DDX20: variants seen among roughly 807,000 people sequenced by gnomAD.
DDX20 encodes the protein probable ATP-dependent RNA helicase DDX20.
Under a neutral mutation model 76.4 loss-of-function variants are expected in DDX20, and 61 were observed. That is an observed-to-expected ratio of 0.80 (90% CI 0.65 to 0.99). The LOEUF is 0.99. Ranked by LOEUF, DDX20 falls within the 50% of genes least tolerant of loss-of-function variation. The pLI, the probability that DDX20 is intolerant of heterozygous loss-of-function variation, is 0.00. For synonymous variants in DDX20, 357 were observed against 357.4 expected (o/e 1.00, Z 0.01); for missense variants, 976 against 996.8 (o/e 0.98, Z 0.28).
At chr1:111,762,414 T>C in intron 8 of DDX20, 77 bp downstream of exon 8, 1 of 1,195,318 alleles carries the variant, frequency 8.4e-7, no homozygotes, top group Non-Finnish European at 1.2e-6. Context: ...ATTTCATATA[T>C]TATTTTATGT....
chr1:111,766,687 TG>T lies in DDX20; in HGVS notation c.2265del (p.Trp755CysfsTer10). 6.2e-7 allele frequency: 1 copy of T among 1,614,178 alleles called. No homozygotes were observed. Among genetic ancestry groups the T allele is most frequent in the South Asian group, 1.1e-5 (1 of 91,082 alleles). On this transcript the variant is annotated frameshift_variant, in exon 11 of 11. Coordinates refer to ENST00000369702, the MANE Select transcript of DDX20 (RefSeq NM_007204.5). LOFTEE classifies it high-confidence loss of function. ...GCAGACTGAAGCCCAGGAAGATGAT[TG>T]GTATGACTGTCATAGGGAAATACGT... Reference protein sequence around the residue: ...RLQTEAQEDDWYDCHREIRLS... With the variant: ...RLQTEAQEDDXYDCHREIRLS...
At chr1:111,760,953 T>C in intron 5 of DDX20, 34 bp from the exon 6 acceptor site, 1 of 1,607,560 alleles carries the variant, frequency 6.2e-7, no homozygotes, top group Non-Finnish European at 8.5e-7. Flanking sequence ...CATTAGCATA[T>C]ATATTTGTTT....
intron 2 of DDX20, among the ~76,000 whole-genome samples, chr1:111,758,353 CCTTTTTTTT>C (rs1663606465): frequency 8.8e-6 from 1 of 113,002 alleles, no homozygotes; most frequent in South Asian, 2.5e-4. Context: ...TTCTCCTAGT[CCTTTTTTTT>C]TTTTTTTTTT....
chr1:111,764,266 T>C (rs1329175850), intron 10 of DDX20, among the ~76,000 whole-genome samples: 1 of 149,834 alleles, frequency 6.7e-6, no homozygotes, highest in Non-Finnish European at 1.5e-5. Context: ...TGGGCGAAAG[T>C]GCGAGACTCA....
rs759586963 is a variant in DDX20 at position 111,766,143 on chromosome 1, C to T, written c.1719C>T (p.Pro573=). The change falls in exon 11 of 11, where the codon CCC becomes CCT. Residue 573 remains proline (P), a synonymous_variant. Coordinates refer to ENST00000369702, the MANE Select transcript of DDX20 (RefSeq NM_007204.5). ...QVKEALPVSL[P]QIPCLSSFKI... ...AAGAAGCTTTACCTGTGTCACTCCCCCAGATTCCTTGTCTGTCTTCCTTTA... is the reference window on the plus strand; with the variant it reads ...AAGAAGCTTTACCTGTGTCACTCCCTCAGATTCCTTGTCTGTCTTCCTTTA... The T allele has an allele frequency of 1.9e-6, 3 of 1,614,172 alleles. No homozygotes were observed. Among genetic ancestry groups the T allele is most frequent in the Non-Finnish European group, 1.7e-6 (2 of 1,180,040 alleles).
chr1:111,759,962 A>T (rs1663636269), intron 3 of DDX20, among the ~76,000 whole-genome samples: 1 of 132,930 alleles, frequency 7.5e-6, no homozygotes, highest in African/African-American at 3.0e-5. Flanking sequence ...TGACAGAGCG[A>T]GACTCCATCT....
chr1:111,760,662 T>C, intron 4 of DDX20, 44 bp from the exon 5 acceptor site: 1 of 1,602,834 alleles, frequency 6.2e-7, no homozygotes, highest in Non-Finnish European at 8.5e-7. Flanking sequence ...CAAGTGGTGA[T>C]TATTGTTTGA....
intron 2 of DDX20, among the ~76,000 whole-genome samples, chr1:111,758,407 A>C (rs980268965): frequency 6.7e-6 from 1 of 149,494 alleles, no homozygotes; most frequent in Non-Finnish European, 1.5e-5. Context: ...TTAAGAGCAC[A>C]AAGTTTTGTT....
At chr1:111,760,211 G>C (rs1276485754) in intron 3 of DDX20, among the ~76,000 whole-genome samples, 1 of 152,104 alleles carries the variant, frequency 6.6e-6, no homozygotes, top group Admixed American at 6.5e-5. Context: ...CTCAGAATCA[G>C]CATCTTGCAT....
chr1:111,756,497 G>A (rs896822839), intron 1 of DDX20, 149 bp from the exon 2 acceptor site: 2 of 706,440 alleles, frequency 2.8e-6, no homozygotes, highest in Non-Finnish European at 4.8e-6. Context: ...GGGACTAGGC[G>A]TGTTCTCATA....
rs1392652837 is a variant in DDX20, at chr1:111,756,745, G to T, written c.396+5G>T. The T allele has an allele frequency of 1.2e-6, 2 of 1,611,630 alleles. No homozygotes were observed. The highest frequency in any genetic ancestry group is 2.7e-5 in the African/African-American group (2 of 74,892). On this transcript the variant is annotated splice_donor_5th_base_variant and intron_variant, in intron 2 of 10. Transcript: ENST00000369702. ...CTTGAAAACTTAAGTACCCAGGTGA[G>T]TTAGCTGAGAGGACCAGAGGAGGAT...
In DDX20 at chr1:111,755,988, C is replaced by A; in HGVS notation, c.64C>A (p.His22Asn). ...AGTGGCGACTGCTATGCCGGCTGAG[C>A]ATGTGGCCGTGCAGGTCCCGGCCCC... ...AAVATAMPAE[H>N]VAVQVPAPEP... The change falls in exon 1 of 11, where the codon CAT becomes AAT. Residue 22 changes from histidine to asparagine, a missense_variant. By Grantham distance (68) the His-to-Asn change is moderately conservative. Around this residue, in one of 3 missense-constraint regions of DDX20, gnomAD observed 343 missense variants for 286.4 expected, o/e 1.20. Transcript: ENST00000369702. 1 of 1,605,436 alleles carries A rather than the reference C, an allele frequency of 6.2e-7. No homozygotes were observed. Among genetic ancestry groups the A allele is most frequent in the Non-Finnish European group, 8.5e-7 (1 of 1,174,544 alleles).
Position 111,766,341 on chromosome 1 carries a change from A to T in DDX20, c.1917A>T (p.Arg639Ser). 1.9e-6 allele frequency: 3 copies of T among 1,614,160 alleles called. No homozygotes were observed. The highest frequency in any genetic ancestry group is 4.5e-5 in the East Asian group (2 of 44,890). Residue 639 changes from arginine (R) to serine (S), a missense_variant, in exon 11 of 11, where the codon AGA becomes AGT. Arg to Ser is a moderately radical substitution (Grantham distance 110). Around this residue, in one of 3 missense-constraint regions of DDX20, gnomAD observed 630 missense variants for 693.7 expected, o/e 0.91. Transcript: ENST00000369702. ...TGAGAAATAAAGTTATTGAACAGAG[A>T]GTCCCTGTGTTGGCAAGTAGTAGCC... ...GFVRNKVIEQ[R>S]VPVLASSSQS...
rs768606245 is a variant in DDX20 at position 111,762,276 on chromosome 1, G to A, written c.1043G>A (p.Arg348His). The change falls in exon 8 of 11, where the codon CGT becomes CAT. Residue 348 changes from arginine (R) to histidine (H), a missense_variant. This residue lies in a region of DDX20 where 630 missense variants were observed against 693.7 expected (regional missense o/e 0.91). Coordinates refer to ENST00000369702, the MANE Select transcript of DDX20 (RefSeq NM_007204.5). The part of the protein sequence containing the change: ...CISGNMNQNQ[R>H]LDAMAKLKHF... Reference sequence around the variant, plus strand: ...TTAGGCAATATGAATCAGAATCAGCGTCTTGATGCTATGGCTAAACTGAAG... The same window carrying A: ...TTAGGCAATATGAATCAGAATCAGCATCTTGATGCTATGGCTAAACTGAAG... The A allele has an allele frequency of 2.7e-5, 44 of 1,613,062 alleles. No individual in the cohort carries two copies. Among genetic ancestry groups the A allele is most frequent in the East Asian group, 1.1e-4 (5 of 44,810 alleles).
In DDX20 at chr1:111,766,347, T is replaced by A. The variant is rs770249413; in HGVS notation, c.1923T>A (p.Pro641=). Residue 641 remains proline (P), a synonymous_variant, in exon 11 of 11, where the codon CCT becomes CCA. Transcript: ENST00000369702. The part of the protein sequence containing the change: ...VRNKVIEQRV[P]VLASSSQSGD... Reference sequence around the variant, plus strand: ...ATAAAGTTATTGAACAGAGAGTCCCTGTGTTGGCAAGTAGTAGCCAATCTG... The same window carrying A: ...ATAAAGTTATTGAACAGAGAGTCCCAGTGTTGGCAAGTAGTAGCCAATCTG... 8.7e-6 allele frequency: 14 copies of A among 1,614,188 alleles called. No individual in the cohort carries two copies. The South Asian group carries it at 1.4e-4, about 16-fold the overall frequency.
rs1185714217 is a variant in DDX20, at chr1:111,755,917, C to T, written c.-8C>T. 1.9e-6 allele frequency: 3 copies of T among 1,566,340 alleles called. No individual in the cohort carries two copies. Among genetic ancestry groups the T allele is most frequent in the Non-Finnish European group, 8.7e-7 (1 of 1,152,266 alleles). On this transcript the variant is annotated 5_prime_UTR_variant, in exon 1 of 11. Coordinates refer to ENST00000369702, the MANE Select transcript of DDX20 (RefSeq NM_007204.5). ...TTAAGCACCGCGAGATCTGACGGCG[C>T]GGCTACCATGGCGGCGGCATTTGAA...
intron 2 of DDX20, among the ~76,000 whole-genome samples, chr1:111,758,062 C>T (rs993004355): frequency 2.1e-4 from 32 of 152,106 alleles, no homozygotes; most frequent in African/African-American, 7.7e-4. Flanking sequence ...TTCGCCATGT[C>T]GGCCAGGCTG....
chr1:111,762,235 T>G lies in DDX20; in HGVS notation c.1022-20T>G, dbSNP rs1293767016. On this transcript the variant is annotated intron_variant, in intron 7 of 10. Coordinates refer to ENST00000369702, the MANE Select transcript of DDX20 (RefSeq NM_007204.5). Reference sequence around the variant, plus strand: ...TTAGCTTAGTTGTTTTTATGTGACTTTCTTTTGGGGTCCTTTTAGGCAATA... The same window carrying G: ...TTAGCTTAGTTGTTTTTATGTGACTGTCTTTTGGGGTCCTTTTAGGCAATA... 1.9e-6 allele frequency: 3 copies of G among 1,600,482 alleles called. No individual in the cohort carries two copies. The highest frequency in any genetic ancestry group is 2.6e-6 in the Non-Finnish European group (3 of 1,174,678).
chr1:111,756,572 T>A, intron 1 of DDX20, 74 bp from the exon 2 acceptor site: 2 of 1,297,834 alleles, frequency 1.5e-6, no homozygotes, highest in South Asian at 1.2e-5. Flanking sequence ...CCCTTCTAGT[T>A]CTCTGATTCC....
Sources: allele counts gnomAD v4.1 joint callset (sites outside exome capture counted in the v4.1 genomes callset), GRCh38; gene constraint gnomAD v4.1.1; regional missense constraint gnomAD v4.1.1; transcripts MANE v1.5; gene names NCBI Gene and HGNC (gene_info 2026-07-23, HGNC 2026-07-21).